DHX58: variants seen among roughly 807,000 people sequenced by gnomAD.
The protein encoded by DHX58 is DExH-box helicase 58, also known as ATP-dependent RNA helicase DHX58.
Under a neutral mutation model 65.0 loss-of-function variants are expected in DHX58, and 51 were observed. The observed-to-expected ratio is 0.78, with a 90% CI of 0.63 to 0.99. The LOEUF is 0.99. DHX58 is among the 50% of genes least tolerant of loss of function. The pLI is 0.00. For synonymous variants in DHX58, 350 were observed against 365.0 expected, an observed-to-expected ratio of 0.96 and a Z score of 0.47; for missense variants, 773 against 891.8, an observed-to-expected ratio of 0.87 and a Z score of 1.70.
rs782712379 is a variant in DHX58, at chr17:42,102,196, G to A, written c.1851+20C>T. ...TGGGGCTGAGGACTCTGGGGCCTGG[G>A]ACGTGGCCTAAGCTCTTACCTCCCC... On this transcript the variant is annotated intron_variant, in intron 13 of 13. Coordinates refer to ENST00000251642, the MANE Select transcript of DHX58 (RefSeq NM_024119.3). 3 of 1,613,362 alleles carry A rather than the reference G, an allele frequency of 1.9e-6. No individual in the cohort carries two copies. The highest frequency in any genetic ancestry group is 2.5e-6 in the Non-Finnish European group (3 of 1,179,352).
intron 1 of DHX58, 31 bp downstream of exon 1, chr17:42,112,574 T>TGGGGGG (rs782778800): frequency 1.3e-5 from 1 of 76,718 alleles, no homozygotes; most frequent in African/African-American, 4.7e-5. Context: ...AAGGTGGGGG[T>TGGGGGG]GGGGGGGGGT....
chr17:42,110,830 G>A lies in DHX58; in HGVS notation c.454C>T (p.Leu152Phe), dbSNP rs2054138042. Residue 152 changes from leucine (L) to phenylalanine (F), a missense_variant, in exon 5 of 14, where the codon CTT (leucine) becomes TTT (phenylalanine). Transcript: ENST00000251642. ...AGCGGCTGTGCCCTCTGGAGTTTAA[G>A]TTCTAGGTACTGGCTCATGATGACG... ...YNVIMSQYLE[L>F]KLQRAQPLPQ... 6.2e-7 allele frequency: 1 copy of A among 1,613,670 alleles called. No individual in the cohort carries two copies. Among genetic ancestry groups the A allele is most frequent in the Non-Finnish European group, 8.5e-7 (1 of 1,179,712 alleles).
rs782702291 is a variant in DHX58 at position 42,111,461 on chromosome 17, G to T, written c.205C>A (p.Arg69Ser). 31 of 1,613,976 alleles carry T rather than the reference G, an allele frequency of 1.9e-5. No homozygotes were observed. Among genetic ancestry groups the T allele is most frequent in the Non-Finnish European group, 1.8e-5 (21 of 1,180,028 alleles). The change falls in exon 4 of 14, where the codon CGC (arginine) becomes AGC (serine). Residue 69 changes from arginine to serine, a missense_variant. Coordinates refer to ENST00000251642, the MANE Select transcript of DHX58 (RefSeq NM_024119.3). Reference protein sequence around the residue: ...LVTQHGEEFRRMLDGRWTVTT... With the variant: ...LVTQHGEEFRSMLDGRWTVTT... ...ACGGTCCAGCGTCCATCCAGCATGCGCCTGAACTCTTCACCATGCTGGGTC... is the reference window on the plus strand; with the variant it reads ...ACGGTCCAGCGTCCATCCAGCATGCTCCTGAACTCTTCACCATGCTGGGTC...
rs2054167543 is a variant in DHX58 at position 42,112,172 on chromosome 17, TGCTCA to T, written c.-66_-62del. The T allele has an allele frequency of 6.3e-6, 2 of 317,486 alleles. No individual in the cohort carries two copies. Among genetic ancestry groups the T allele is most frequent in the East Asian group, 1.1e-4 (2 of 18,714 alleles). The allele number at this position is 317,486 out of a possible 1,614,324, so 19.7% of individuals were successfully genotyped here. ...CACTTAACTCAGCCTGGTGCCACTC[TGCTCA>T]GCTCAGAGACCCAAGATGGAAACTG... On this transcript the variant is annotated 5_prime_UTR_variant, in exon 2 of 14. Coordinates refer to ENST00000251642, the MANE Select transcript of DHX58 (RefSeq NM_024119.3).
At chr17:42,102,646 T>A in intron 12 of DHX58, 1 of 207,140 alleles carries the variant, frequency 4.8e-6, no homozygotes, top group Non-Finnish European at 9.6e-6. Flanking sequence ...GCCCTGACAT[T>A]CTGTTCCTTA....
chr17:42,106,192 AAGAG>A (rs1311954699), intron 8 of DHX58, among the ~76,000 whole-genome samples: 51 of 150,512 alleles, frequency 3.4e-4, no homozygotes, highest in Non-Finnish European at 7.0e-4. Flanking sequence ...AAGCAAGAGA[AAGAG>A]AGAGAGAGAA....
At chr17:42,108,240 G>A in intron 6 of DHX58, 132 bp from the exon 7 acceptor site, 1 of 1,397,274 alleles carries the variant, frequency 7.2e-7, no homozygotes, top group Non-Finnish European at 9.7e-7. Context: ...GTGAGCTCCA[G>A]AGGGAGGCCG....
intron 11 of DHX58, among the ~76,000 whole-genome samples, chr17:42,104,002 G>A (rs1304064925): frequency 6.6e-6 from 1 of 152,162 alleles, no homozygotes; most frequent in Non-Finnish European, 1.5e-5. Context: ...AAGGCGGGTG[G>A]ATCACGAGGT....
In DHX58 at chr17:42,102,326, G is replaced by T; in HGVS notation, c.1755-14C>A. ...TTATAGTAGTTCCTGGAGAGGAAGG[G>T]GGGTGGCCACAGCCCTCATTGACCC... On this transcript the variant is annotated splice_polypyrimidine_tract_variant and intron_variant, in intron 12 of 13. Transcript: ENST00000251642. 6.2e-7 allele frequency: 1 copy of T among 1,611,886 alleles called. No individual in the cohort carries two copies. The highest frequency in any genetic ancestry group is 8.5e-7 in the Non-Finnish European group (1 of 1,178,084).
chr17:42,107,914 G>GC (rs2054089710), intron 7 of DHX58, 68 bp downstream of exon 7: 27 of 1,579,346 alleles, frequency 1.7e-5, no homozygotes, highest in Admixed American at 8.6e-5. Context: ...AAAGGCCTCC[G>GC]CCCCGGCAGG....
At chr17:42,111,572 C>T in intron 3 of DHX58, 75 bp from the exon 4 acceptor site, 1 of 1,592,770 alleles carries the variant, frequency 6.3e-7, no homozygotes, top group Admixed American at 1.7e-5. Flanking sequence ...AGGTGACCCG[C>T]AGGACATGGC....
rs2054138653 is a variant in DHX58, at chr17:42,110,870, C to G, written c.414G>C (p.Lys138Asn). Residue 138 changes from lysine to asparagine, a missense_variant, in exon 5 of 14, where the codon AAG becomes AAC. Lys to Asn is a moderately conservative substitution (Grantham distance 94). Coordinates refer to ENST00000251642, the MANE Select transcript of DHX58 (RefSeq NM_024119.3). ...IVVDECHHTH[K>N]DTVYNVIMSQ... ...TCATGATGACGTTGTAGACGGTGTCCTTGTGCGTGTGGTGGCACTCATCCA... is the reference window on the plus strand; with the variant it reads ...TCATGATGACGTTGTAGACGGTGTCGTTGTGCGTGTGGTGGCACTCATCCA... The G allele has an allele frequency of 3.1e-6, 5 of 1,613,416 alleles. No individual in the cohort carries two copies. The highest frequency in any genetic ancestry group is 4.2e-6 in the Non-Finnish European group (5 of 1,179,678).
At position 42,107,620 on chromosome 17, in the gene DHX58, C is replaced by T. The variant is rs367869092; in HGVS notation, c.981G>A (p.Leu327=). ...KTQILCAERR[L]LALFDDRKNE... is the part of the protein sequence containing the mutation. The stretch of plus-strand genomic sequence containing the variant: ...GCCCCTCACCATCGAACAGGGCCAG[C>T]AGCCGGCGCTCGGCACACAGGATCT... Residue 327 remains leucine, a synonymous_variant, in exon 8 of 14, where the codon CTG becomes CTA. Transcript: ENST00000251642. The T allele has an allele frequency of 5.6e-6, 9 of 1,603,724 alleles. No individual in the cohort carries two copies. In the African/African-American group the frequency reaches 1.1e-4, roughly 19 times the overall value.
intron 9 of DHX58, 69 bp from the exon 10 acceptor site, chr17:42,105,236 A>G: frequency 1.3e-6 from 2 of 1,496,262 alleles, no homozygotes; most frequent in South Asian, 2.7e-5. Flanking sequence ...TCCACCTGCC[A>G]GAGTAGCCTC....
intron 11 of DHX58, among the ~76,000 whole-genome samples, chr17:42,104,007 C>T (rs782670453): frequency 2.0e-5 from 3 of 152,160 alleles, no homozygotes; most frequent in Admixed American, 6.5e-5. Context: ...GGGTGGATCA[C>T]GAGGTCAGGA....
chr17:42,105,462 C>T (rs1376873781), intron 9 of DHX58, among the ~76,000 whole-genome samples: 1 of 152,086 alleles, frequency 6.6e-6, no homozygotes. Flanking sequence ...TGATCCTGTG[C>T]CCTGAGGAAC....
intron 1 of DHX58, 71 bp downstream of exon 1, chr17:42,112,534 C>CA (rs2054175505): frequency 9.2e-6 from 1 of 108,936 alleles, no homozygotes; most frequent in South Asian, 3.2e-4. Context: ...GGGACACCCT[C>CA]AAAACTCATC....
chr17:42,107,820 G>T, intron 7 of DHX58, 25 bp from the exon 8 acceptor site: 4 of 1,550,796 alleles, frequency 2.6e-6, no homozygotes, highest in Non-Finnish European at 3.5e-6. Flanking sequence ...CGCAGGGTCT[G>T]AGCAGCCCAC....
intron 12 of DHX58, 50 bp from the exon 13 acceptor site, chr17:42,102,362 C>T (rs782401196): frequency 3.3e-6 from 5 of 1,525,588 alleles, no homozygotes; most frequent in Middle Eastern, 1.7e-4. Context: ...TCCTCAGCCC[C>T]GGATCTCATG....
Sources: gnomAD v4.1 joint callset for allele counts (sites outside exome capture counted in the v4.1 genomes callset) on GRCh38, gnomAD v4.1.1 for gene constraint, MANE v1.5 for transcripts, NCBI Gene and HGNC (gene_info 2026-07-23, HGNC 2026-07-21) for gene names.